The following SPAG16 variants were observed in gnomAD, a reference collection of about 807,000 sequenced individuals.
The protein encoded by SPAG16 is sperm-associated antigen 16 protein.
In SPAG16, 86 loss-of-function variants were observed where a neutral mutation model predicts 80.4. That is an observed-to-expected ratio of 1.07 (90% CI 0.90 to 1.28). The LOEUF (loss-of-function observed/expected upper bound fraction) is 1.28. Ranked by LOEUF, SPAG16 falls within the 50% of genes most tolerant of loss-of-function variation. The probability of loss-of-function intolerance (pLI) is 0.00; values close to 1 mark genes in which losing one functional copy is unlikely to be tolerated. For synonymous variants in SPAG16, 294 were observed against 265.9 expected, an observed-to-expected ratio of 1.11 and a Z score of -1.03; for missense variants, 870 against 765.3, an observed-to-expected ratio of 1.14 and a Z score of -1.61.
chr2:213,335,076 C>T (rs1248198055), intron 5 of SPAG16, among the ~76,000 whole-genome samples: 1 of 151,974 alleles, frequency 6.6e-6, no homozygotes, highest in African/African-American at 2.4e-5. Context: ...CTACTATGTA[C>T]CCACAAAAAT....
chr2:213,665,888 T>TAG (rs2063582840), intron 10 of SPAG16, among the ~76,000 whole-genome samples: 1 of 151,920 alleles, frequency 6.6e-6, no homozygotes, highest in African/African-American at 2.4e-5. Flanking sequence ...CCACTTAAAA[T>TAG]AGAGAAATCA....
intron 9 of SPAG16, among the ~76,000 whole-genome samples, chr2:213,448,190 C>T (rs2071460477): frequency 6.6e-6 from 1 of 152,240 alleles, no homozygotes; most frequent in Non-Finnish European, 1.5e-5. Context: ...GAGTCTCGAA[C>T]ATCGCATGCA....
At chr2:214,321,724 G>T (rs1696110255) in intron 15 of SPAG16, among the ~76,000 whole-genome samples, 1 of 152,108 alleles carries the variant, frequency 6.6e-6, no homozygotes, top group Non-Finnish European at 1.5e-5. Flanking sequence ...TATAATTTGT[G>T]CTTATTAGAC....
Position 213,608,715 on chromosome 2 carries a change from G to T in SPAG16, c.1070+118625G>T, listed in dbSNP as rs151326024. On this transcript the variant is annotated intron_variant, in intron 10 of 15. Coordinates refer to ENST00000331683, the MANE Select transcript of SPAG16 (RefSeq NM_024532.5). ...GTAATGGGATGGGAGGTGGAGTCTC[G>T]CTCTGTCCCCCCAGGCTGGAGTGCA... Among the ~76,000 whole-genome samples the T allele has an allele frequency of 1.9e-4, 29 of 152,298 alleles. No individual in the cohort carries two copies. The East Asian group carries it at 4.4e-3, about 23-fold the overall frequency.
At chr2:214,067,019 G>C (rs1275936218) in intron 13 of SPAG16, among the ~76,000 whole-genome samples, 1 of 152,130 alleles carries the variant, frequency 6.6e-6, no homozygotes, top group Non-Finnish European at 1.5e-5. Flanking sequence ...TGCACACCAG[G>C]AGCGCTGGGC....
chr2:213,469,389 GTTTTC>G lies in SPAG16; in HGVS notation c.943-20571_943-20567del, dbSNP rs565450920. Reference sequence around the variant, plus strand: ...AGGGGAAAGGAAATAAAATGAAGATGTTTTCTTAGTACAGGTGTATACATGCACAA... The same window carrying G: ...AGGGGAAAGGAAATAAAATGAAGATGTTAGTACAGGTGTATACATGCACAA... On this transcript the variant is annotated intron_variant, in intron 9 of 15. Transcript: ENST00000331683. Among the ~76,000 whole-genome samples the G allele has an allele frequency of 6.4e-3, 971 of 152,132 alleles. 19 individuals are homozygous for G. Among genetic ancestry groups the G allele is most frequent in the African/African-American group, 0.023 (942 of 41,504 alleles).
intron 15 of SPAG16, among the ~76,000 whole-genome samples, chr2:214,318,060 T>C (rs1046392008): frequency 1.3e-5 from 2 of 152,206 alleles, no homozygotes; most frequent in African/African-American, 4.8e-5. Context: ...AGGCATATGG[T>C]TCTTTTTAAA....
intron 10 of SPAG16, among the ~76,000 whole-genome samples, chr2:213,808,099 G>A (rs573199622): frequency 9.2e-5 from 14 of 152,104 alleles, no homozygotes; most frequent in Non-Finnish European, 1.9e-4. Flanking sequence ...TTACTGAAGA[G>A]GCCATGAGTA....
chr2:213,866,401 C>T (rs2075685254), intron 11 of SPAG16, among the ~76,000 whole-genome samples: 1 of 151,914 alleles, frequency 6.6e-6, no homozygotes, highest in Non-Finnish European at 1.5e-5. Flanking sequence ...AAGAATTGTA[C>T]TAGGAAAGCA....
At chr2:214,291,527 G>T (rs991866444) in intron 15 of SPAG16, among the ~76,000 whole-genome samples, 2 of 151,322 alleles carry the variant, frequency 1.3e-5, no homozygotes, top group African/African-American at 4.9e-5. Context: ...GGATGGTCTC[G>T]ATCTCCTGAC....
chr2:214,083,769 T>C (rs939896003), intron 13 of SPAG16, among the ~76,000 whole-genome samples: 1 of 152,166 alleles, frequency 6.6e-6, no homozygotes, highest in African/African-American at 2.4e-5. Context: ...GTTTGGTATA[T>C]GAAACTTGTC....
intron 10 of SPAG16, among the ~76,000 whole-genome samples, chr2:213,720,110 C>T (rs1574933789): frequency 6.6e-6 from 1 of 152,268 alleles, no homozygotes; most frequent in East Asian, 1.9e-4. Flanking sequence ...ACCACATGTT[C>T]TCACTCATAA....
intron 13 of SPAG16, among the ~76,000 whole-genome samples, chr2:214,039,321 T>G (rs1415184593): frequency 2.0e-5 from 3 of 152,212 alleles, no homozygotes; most frequent in Admixed American, 6.5e-5. Flanking sequence ...TCATGTGTCT[T>G]TTGGCTGCAT....
chr2:213,338,753 AATG>A (rs1459214745), intron 5 of SPAG16, among the ~76,000 whole-genome samples: 6 of 152,306 alleles, frequency 3.9e-5, no homozygotes, highest in African/African-American at 1.4e-4. Context: ...TCAGCAAACT[AATG>A]CAGTAACAGA....
intron 15 of SPAG16, among the ~76,000 whole-genome samples, chr2:214,222,538 G>T (rs150505398): frequency 4.6e-5 from 7 of 152,126 alleles, no homozygotes; most frequent in African/African-American, 1.7e-4. Flanking sequence ...AATCTCAGAA[G>T]AAAATTTTTG....
chr2:213,577,650 T>C (rs1351516978), intron 10 of SPAG16, among the ~76,000 whole-genome samples: 1 of 152,166 alleles, frequency 6.6e-6, no homozygotes, highest in Non-Finnish European at 1.5e-5. Context: ...TGCTCCTTTA[T>C]GTTACTCTGA....
intron 10 of SPAG16, among the ~76,000 whole-genome samples, chr2:213,811,716 T>G (rs1023580802): frequency 6.6e-6 from 1 of 152,180 alleles, no homozygotes; most frequent in African/African-American, 2.4e-5. Flanking sequence ...TCAGTCAGGT[T>G]AGTGGTTGAG....
intron 12 of SPAG16, among the ~76,000 whole-genome samples, chr2:213,962,207 T>TA (rs1264087303): frequency 5.9e-5 from 9 of 151,682 alleles, no homozygotes; most frequent in Non-Finnish European, 1.5e-5. Flanking sequence ...GTTTTTTTTT[T>TA]TTTTGAGATG....
Position 213,877,203 on chromosome 2 carries a change from T to C in SPAG16, c.1214+14575T>C, listed in dbSNP as rs1407397753. On this transcript the variant is annotated intron_variant, in intron 11 of 15. Coordinates refer to ENST00000331683, the MANE Select transcript of SPAG16 (RefSeq NM_024532.5). ...TTCAGGGCTGAGCTTTCAAATCCAC[T>C]TATTAAGGATATCTTTCCCCAACCC... 2.0e-5 allele frequency among the ~76,000 whole-genome samples: 3 copies of C among 152,166 alleles called. No individual in the cohort carries two copies. The East Asian group carries it at 5.8e-4, about 29-fold the overall frequency.
Sources: gnomAD v4.1 joint callset for allele counts (sites outside exome capture counted in the v4.1 genomes callset) on GRCh38, gnomAD v4.1.1 for gene constraint, MANE v1.5 for transcripts, NCBI Gene and HGNC (gene_info 2026-07-23, HGNC 2026-07-21) for gene names.